Variants in CCDC178 observed in about 807,000 individuals in gnomAD.
CCDC178 encodes the protein coiled-coil domain containing 178.
CCDC178 carries 126 observed loss-of-function variants against 117.4 expected under a neutral mutation model. That is an observed-to-expected ratio of 1.07 (90% CI 0.93 to 1.24). The LOEUF (loss-of-function observed/expected upper bound fraction) is 1.24, where lower values mean the gene tolerates loss of function less well. CCDC178 is among the 50% of genes most tolerant of loss of function. The probability of loss-of-function intolerance (pLI) is 0.00; values close to 1 mark genes in which losing one functional copy is unlikely to be tolerated. For missense variants in CCDC178, 1,030 were observed against 986.9 expected (o/e 1.04, Z -0.59); for synonymous variants, 283 against 313.4 (o/e 0.90, Z 1.02).
At chr18:32,990,697 A>G (rs534487614) in intron 21 of CCDC178, among the ~76,000 whole-genome samples, 1 of 152,228 alleles carries the variant, frequency 6.6e-6, no homozygotes, top group East Asian at 1.9e-4. Flanking sequence ...TATTTCATCA[A>G]AACTTTGTTC....
At chr18:33,264,474 C>T (rs774526452) in intron 14 of CCDC178, among the ~76,000 whole-genome samples, 1 of 151,938 alleles carries the variant, frequency 6.6e-6, no homozygotes, top group African/African-American at 2.4e-5. Flanking sequence ...CTGTTCAGCA[C>T]CATGTAATCC....
chr18:32,975,304 A>C (rs2055008359), intron 21 of CCDC178, among the ~76,000 whole-genome samples: 1 of 152,216 alleles, frequency 6.6e-6, no homozygotes, highest in Non-Finnish European at 1.5e-5. Flanking sequence ...ACATGGAAAC[A>C]TCTCACTGCA....
chr18:33,151,657 G>A lies in CCDC178; in HGVS notation c.2239-58747C>T, dbSNP rs377398645. On this transcript the variant is annotated intron_variant, in intron 20 of 22. Transcript: ENST00000383096. Reference sequence around the variant, plus strand: ...TTTATAATAGAAAGTAATCAACTGAGGAAAGTTATCACCCCAAGAAAACTG... The same window carrying A: ...TTTATAATAGAAAGTAATCAACTGAAGAAAGTTATCACCCCAAGAAAACTG... Among the ~76,000 whole-genome samples the A allele has an allele frequency of 5.9e-5, 9 of 152,238 alleles. No individual in the cohort carries two copies. The East Asian group carries it at 1.2e-3, about 20-fold the overall frequency.
rs541370704 is a variant in CCDC178, at chr18:33,380,037, T to C, written c.208+9503A>G. Among the ~76,000 whole-genome samples the C allele has an allele frequency of 1.9e-3, 293 of 152,202 alleles. 3 individuals carry two copies. Among genetic ancestry groups the C allele is most frequent in the Non-Finnish European group, 2.7e-3 (184 of 67,988 alleles). ...AGCTTAGGCTGCTGGTCCAGGTAAG[T>C]GGGTACTCTGAATGACTGGATTTCT... On this transcript the variant is annotated intron_variant, in intron 5 of 22. Coordinates refer to ENST00000383096, the MANE Select transcript of CCDC178 (RefSeq NM_001105528.4).
intron 22 of CCDC178, among the ~76,000 whole-genome samples, chr18:32,946,394 A>T (rs1204630381): frequency 6.6e-6 from 1 of 152,246 alleles, no homozygotes; most frequent in Non-Finnish European, 1.5e-5. Context: ...GTATTAAGAC[A>T]GAGAAATATC....
At chr18:32,939,257 C>T (rs2054186997) in intron 22 of CCDC178, among the ~76,000 whole-genome samples, 1 of 151,622 alleles carries the variant, frequency 6.6e-6, no homozygotes, top group South Asian at 2.1e-4. Context: ...GATGGAAATA[C>T]TTCTATGTTT....
At chr18:33,156,042 T>C (rs1256458464) in intron 20 of CCDC178, among the ~76,000 whole-genome samples, 1 of 149,402 alleles carries the variant, frequency 6.7e-6, no homozygotes, top group Non-Finnish European at 1.5e-5. Flanking sequence ...TCTTTGAGGA[T>C]ACAGAGCATG....
At chr18:33,210,900 C>A (rs529705118) in intron 20 of CCDC178, among the ~76,000 whole-genome samples, 5 of 152,068 alleles carry the variant, frequency 3.3e-5, no homozygotes, top group African/African-American at 1.2e-4. Flanking sequence ...GTATTATTCT[C>A]TTCTTAATAA....
At chr18:33,052,161 C>A (rs1240328687) in intron 21 of CCDC178, among the ~76,000 whole-genome samples, 1 of 152,024 alleles carries the variant, frequency 6.6e-6, no homozygotes, top group Non-Finnish European at 1.5e-5. Flanking sequence ...ATGTTTCTAG[C>A]AAACTTTAGG....
intron 2 of CCDC178, among the ~76,000 whole-genome samples, chr18:33,423,857 T>A (rs965502228): frequency 6.6e-6 from 1 of 152,210 alleles, no homozygotes; most frequent in Admixed American, 6.5e-5. Flanking sequence ...CCCATAAAAA[T>A]TAAAGCCTCA....
intron 11 of CCDC178, among the ~76,000 whole-genome samples, chr18:33,298,133 G>A (rs527551024): frequency 4.8e-4 from 72 of 151,430 alleles, no homozygotes; most frequent in Non-Finnish European, 7.7e-4. Flanking sequence ...CCACAAGACC[G>A]CTGTAACCTT....
chr18:33,173,122 T>A (rs138900869), intron 20 of CCDC178, among the ~76,000 whole-genome samples: 1 of 152,184 alleles, frequency 6.6e-6, no homozygotes, highest in African/African-American at 2.4e-5. Context: ...TGACCTTGGC[T>A]CACTGCAGCC....
intron 3 of CCDC178, among the ~76,000 whole-genome samples, chr18:33,405,114 A>G (rs2063762938): frequency 1.3e-5 from 2 of 152,078 alleles, no homozygotes; most frequent in South Asian, 4.1e-4. Context: ...TGTGAATTGT[A>G]GCTTAATTTT....
intron 9 of CCDC178, among the ~76,000 whole-genome samples, chr18:33,333,721 G>A (rs999378245): frequency 5.9e-5 from 9 of 151,466 alleles, no homozygotes; most frequent in African/African-American, 1.7e-4. Context: ...CATGTTGGTC[G>A]GGCTGGTCTC....
chr18:33,321,188 T>G, intron 11 of CCDC178, among the ~76,000 whole-genome samples: 1 of 152,182 alleles, frequency 6.6e-6, no homozygotes, highest in East Asian at 1.9e-4. Flanking sequence ...GGGCAAGGAC[T>G]TCATGTCTAA....
chr18:33,159,481 C>T (rs1272286678), intron 20 of CCDC178, among the ~76,000 whole-genome samples: 1 of 152,114 alleles, frequency 6.6e-6, no homozygotes, highest in Non-Finnish European at 1.5e-5. Context: ...CTAGTTCCTT[C>T]TGGAGGCTCC....
chr18:32,983,427 T>C, intron 21 of CCDC178: 1 of 831,754 alleles, frequency 1.2e-6, no homozygotes, highest in Non-Finnish European at 1.9e-6. Flanking sequence ...ACAAACACAG[T>C]CAAACAAATA....
At chr18:33,044,406 T>G (rs2056604735) in intron 21 of CCDC178, among the ~76,000 whole-genome samples, 2 of 151,892 alleles carry the variant, frequency 1.3e-5, no homozygotes, top group Admixed American at 6.6e-5. Context: ...TCCCAAGATC[T>G]AATCCTAAAA....
At chr18:33,227,456 T>A (rs1392407818) in intron 15 of CCDC178, among the ~76,000 whole-genome samples, 1 of 151,174 alleles carries the variant, frequency 6.6e-6, no homozygotes, top group Non-Finnish European at 1.5e-5. Flanking sequence ...GTCTTAAAAT[T>A]ACATCTTGGA....
Sources: allele counts gnomAD v4.1 joint callset (sites outside exome capture counted in the v4.1 genomes callset), GRCh38; gene constraint gnomAD v4.1.1; transcripts MANE v1.5; gene names NCBI Gene and HGNC (gene_info 2026-07-23, HGNC 2026-07-21).